UBR4: variants seen among roughly 807,000 people sequenced by gnomAD.
UBR4 encodes E3 ubiquitin-protein ligase UBR4.
Under a neutral mutation model 575.6 loss-of-function variants are expected in UBR4, and 124 were observed. The observed-to-expected ratio is 0.22, with a 90% CI of 0.19 to 0.25. UBR4 has a LOEUF of 0.25. Ranked by LOEUF, UBR4 falls within the 10% of genes least tolerant of loss-of-function variation. The probability of loss-of-function intolerance (pLI) is 1.00; values close to 1 mark genes in which losing one functional copy is unlikely to be tolerated. For missense variants in UBR4, 4,818 were observed against 6,478.8 expected, an observed-to-expected ratio of 0.74 and a Z score of 8.80; for synonymous variants, 2,455 against 2,473.7, an observed-to-expected ratio of 0.99 and a Z score of 0.22.
intron 12 of UBR4, 21 bp from the exon 13 acceptor site, chr1:19,187,322 G>C: frequency 5.0e-6 from 8 of 1,611,106 alleles, no homozygotes; most frequent in Non-Finnish European, 6.8e-6. Context: ...TGATATCAAA[G>C]GGCAATTAAT....
chr1:19,110,162 G>A lies in UBR4; in HGVS notation c.12039C>T (p.Thr4013=), dbSNP rs542126960. 2 of 1,614,178 alleles carry A rather than the reference G, an allele frequency of 1.2e-6. No homozygotes were observed. Among genetic ancestry groups the A allele is most frequent in the East Asian group, 2.2e-5 (1 of 44,880 alleles). ...IKTPVVVENI[T]LMCLRILQKL... is the part of the protein sequence containing the mutation. ...TCTGCAAGATCCTCAGGCACATGAG[G>A]GTAATGTTTTCAACCACCACAGGAG... The change falls in exon 81 of 106, where the codon ACC becomes ACT. Residue 4013 remains threonine (T), a synonymous_variant. Coordinates refer to ENST00000375254, the MANE Select transcript of UBR4 (RefSeq NM_020765.3). This position sits in a 1 kb window ranked among gnomAD's most constrained non-coding sequence, Gnocchi z 4.5.
At chr1:19,087,639 C>T (rs1041540626) in intron 99 of UBR4, among the ~76,000 whole-genome samples, 177 bp downstream of exon 99, 3 of 152,240 alleles carry the variant, frequency 2.0e-5, no homozygotes, top group Non-Finnish European at 4.4e-5. Context: ...GTCTAAAGTT[C>T]GGATGAGCTC....
In UBR4 at chr1:19,156,805, G is replaced by A; in HGVS notation, c.5881C>T (p.Pro1961Ser). 1.2e-6 allele frequency: 2 copies of A among 1,614,142 alleles called. No individual in the cohort carries two copies. The highest frequency in any genetic ancestry group is 1.7e-4 in the Middle Eastern group (1 of 6,054). The change falls in exon 41 of 106, where the codon CCC (proline) becomes TCC (serine). Residue 1961 changes from proline (P) to serine (S), a missense_variant. Physicochemically the swap from Pro to Ser is moderately conservative, Grantham distance 74. This residue lies in a region of UBR4 where 461 missense variants were observed against 606.9 expected (regional missense o/e 0.76). Coordinates refer to ENST00000375254, the MANE Select transcript of UBR4 (RefSeq NM_020765.3). Reference protein sequence around the residue: ...PFTVLSLTGNPCKEDYLAVCG... With the variant: ...PFTVLSLTGNSCKEDYLAVCG... The stretch of plus-strand genomic sequence containing the variant: ...ACCGCCAAGTAGTCTTCCTTGCAGG[G>A]ATTTCCTGTGAGGCTCAACACAGTA...
chr1:19,144,920 C>T lies in UBR4; in HGVS notation c.7946-13G>A. 1 of 1,611,208 alleles carries T rather than the reference C, an allele frequency of 6.2e-7. No individual in the cohort carries two copies. Among genetic ancestry groups the T allele is most frequent in the Non-Finnish European group, 8.5e-7 (1 of 1,179,174 alleles). On this transcript the variant is annotated splice_polypyrimidine_tract_variant and intron_variant, in intron 53 of 105. Transcript: ENST00000375254. ...ATATGAGTTAGTCCTAAAGGAGAGA[C>T]AAACATTATTTGAAAATCTGGAGGA...
At position 19,153,966 on chromosome 1, in the gene UBR4, T is replaced by TAA; in HGVS notation, c.6459-28_6459-27insTT. 6.2e-7 allele frequency: 1 copy of TAA among 1,607,836 alleles called. No homozygotes were observed. ...TGCAGACAACAAAACTGGCCACAGT[T>TAA]AGAGTGTCAGTCACCATTTAATAGT... is the stretch of plus-strand genomic sequence containing the variant. On this transcript the variant is annotated intron_variant, in intron 44 of 105. Transcript: ENST00000375254. The surrounding 1 kb of genome is among the most constrained non-coding windows in gnomAD (Gnocchi z 4.1).
chr1:19,141,406 G>C lies in UBR4; in HGVS notation c.8429C>G (p.Ala2810Gly), dbSNP rs1429512019. 6.2e-7 allele frequency: 1 copy of C among 1,614,256 alleles called. No homozygotes were observed. Among genetic ancestry groups the C allele is most frequent in the Non-Finnish European group, 8.5e-7 (1 of 1,180,038 alleles). Residue 2810 changes from alanine to glycine, a missense_variant, in exon 57 of 106, where the codon GCA becomes GGA. By Grantham distance (60) the Ala-to-Gly change is moderately conservative (BLOSUM62 0). Around this residue, in one of 29 missense-constraint regions of UBR4, gnomAD observed 129 missense variants for 198.4 expected, o/e 0.65. Transcript: ENST00000375254. ...TAGTTCAACCATGGTCTCGTCATCTGCATCAGGTGGGATGTCCAGCATGGG... is the reference window on the plus strand; with the variant it reads ...TAGTTCAACCATGGTCTCGTCATCTCCATCAGGTGGGATGTCCAGCATGGG... ...FPPMLDIPPD[A>G]DDETMVELAI...
intron 28 of UBR4, 129 bp from the exon 29 acceptor site, chr1:19,167,360 G>T: frequency 1.2e-6 from 1 of 854,442 alleles, no homozygotes; most frequent in Non-Finnish European, 1.8e-6. Flanking sequence ...CTTTATTCCA[G>T]TCTTTTTCCC....
intron 39 of UBR4, 131 bp downstream of exon 39, chr1:19,159,980 G>T (rs2087062550): frequency 1.7e-6 from 2 of 1,186,948 alleles, no homozygotes; most frequent in African/African-American, 1.5e-5. Flanking sequence ...TGATGTCTTA[G>T]ATTCTAAGTT....
intron 8 of UBR4, among the ~76,000 whole-genome samples, chr1:19,196,812 G>A (rs1464738414): frequency 6.6e-6 from 1 of 152,170 alleles, no homozygotes; most frequent in African/African-American, 2.4e-5. Context: ...CTGCTGCTCA[G>A]ATGTAGGCTC....
At chr1:19,161,352 G>A (rs1170672883) in intron 37 of UBR4, among the ~76,000 whole-genome samples, 2 of 152,176 alleles carry the variant, frequency 1.3e-5, no homozygotes, top group Non-Finnish European at 2.9e-5. Flanking sequence ...TTATTATAAC[G>A]TGTGAAATTG....
intron 75 of UBR4, 33 bp from the exon 76 acceptor site, chr1:19,114,103 C>G (rs757359807): frequency 6.3e-7 from 1 of 1,596,534 alleles, no homozygotes; most frequent in Admixed American, 1.7e-5. Context: ...TGAGTGAAGG[C>G]TTTTTGGCTG....
At chr1:19,198,310 A>C (rs983277582) in intron 5 of UBR4, among the ~76,000 whole-genome samples, 1 of 152,190 alleles carries the variant, frequency 6.6e-6, no homozygotes, top group Admixed American at 6.5e-5. Flanking sequence ...ACATTTGTTA[A>C]TTTGCATTGA....
Position 19,172,860 on chromosome 1 carries a change from A to T in UBR4, c.3521+4T>A, listed in dbSNP as rs773652688. 6.2e-7 allele frequency: 1 copy of T among 1,614,144 alleles called. No homozygotes were observed. The highest frequency in any genetic ancestry group is 1.1e-5 in the South Asian group (1 of 91,084). ...TGCATCTCTGGGCAGGCAGTTCGCC[A>T]CACCTGGTGAACGATGCATAGGTGT... is the stretch of plus-strand genomic sequence containing the variant. On this transcript the variant is annotated splice_donor_region_variant and intron_variant, in intron 25 of 105. Transcript: ENST00000375254.
At chr1:19,175,088 T>G in intron 20 of UBR4, 55 bp from the exon 21 acceptor site, 1 of 1,470,784 alleles carries the variant, frequency 6.8e-7, no homozygotes, top group Non-Finnish European at 9.4e-7. Context: ...TCTATCTGAC[T>G]AGTATGCAAT....
intron 14 of UBR4, among the ~76,000 whole-genome samples, chr1:19,186,031 A>G (rs2091496353): frequency 6.6e-6 from 1 of 152,218 alleles, no homozygotes; most frequent in African/African-American, 2.4e-5. Context: ...CATTGTTCCC[A>G]CAAACCTGAT....
chr1:19,121,642 C>T (rs1481793360), intron 67 of UBR4, among the ~76,000 whole-genome samples: 1 of 152,206 alleles, frequency 6.6e-6, no homozygotes, highest in Admixed American at 6.5e-5. Context: ...GAGCCCCCTG[C>T]TCCTTTGAAT....
chr1:19,104,413 A>T (rs1244929032), intron 86 of UBR4, among the ~76,000 whole-genome samples, 156 bp from the exon 87 acceptor site: 1 of 152,220 alleles, frequency 6.6e-6, no homozygotes, highest in African/African-American at 2.4e-5. Context: ...AGTCAATAGC[A>T]AACAGGGTCT....
intron 17 of UBR4, among the ~76,000 whole-genome samples, chr1:19,183,046 T>C (rs549704866): frequency 6.6e-6 from 1 of 152,332 alleles, no homozygotes; most frequent in African/African-American, 2.4e-5. Flanking sequence ...GATTTTGTTT[T>C]GGTGGTGAGT....
intron 102 of UBR4, 106 bp from the exon 103 acceptor site, chr1:19,081,679 G>A: frequency 7.9e-7 from 1 of 1,263,962 alleles, no homozygotes; most frequent in Non-Finnish European, 1.2e-6. Flanking sequence ...GACATTTGCT[G>A]AACGCTTGGA....
Sources: gnomAD v4.1 joint callset for allele counts (sites outside exome capture counted in the v4.1 genomes callset) on GRCh38, gnomAD v4.1.1 for gene constraint, gnomAD v4.1.1 regional missense constraint, Gnocchi (gnomAD v3.1) non-coding constraint, MANE v1.5 for transcripts, NCBI Gene and HGNC (gene_info 2026-07-23, HGNC 2026-07-21) for gene names.